The following CNTNAP2 variants were observed in gnomAD, a reference collection of about 807,000 sequenced individuals.
CNTNAP2 encodes contactin associated protein 2.
A neutral mutation model predicts 155.2 loss-of-function variants in CNTNAP2; 98 were observed. The observed-to-expected ratio is 0.63, with a 90% confidence interval of 0.54 to 0.75. The LOEUF (loss-of-function observed/expected upper bound fraction) is 0.75. Among genes scored for constraint, CNTNAP2 ranks in the 30% least tolerant of loss-of-function variants. The pLI is 0.00. For synonymous variants in CNTNAP2, 651 were observed against 631.2 expected (o/e 1.03, Z -0.47); for missense variants, 1,727 against 1,688.1 (o/e 1.02, Z -0.40).
chr7:148,084,676 C>T (rs1265088899), intron 15 of CNTNAP2, among the ~76,000 whole-genome samples: 1 of 151,994 alleles, frequency 6.6e-6, no homozygotes, highest in Non-Finnish European at 1.5e-5. Context: ...ACTGCAATAA[C>T]AATTTAATAA....
At chr7:147,442,648 C>G (rs1389904952) in intron 10 of CNTNAP2, among the ~76,000 whole-genome samples, 2 of 152,122 alleles carry the variant, frequency 1.3e-5, no homozygotes, top group African/African-American at 4.8e-5. Context: ...GAATCTCACC[C>G]AAGGCCCTCA....
intron 1 of CNTNAP2, among the ~76,000 whole-genome samples, chr7:146,296,407 A>G (rs933872104): frequency 6.6e-6 from 1 of 152,112 alleles, no homozygotes; most frequent in Non-Finnish European, 1.5e-5. Context: ...CCCTGCAATG[A>G]AACCCCTTTC....
intron 10 of CNTNAP2, among the ~76,000 whole-genome samples, chr7:147,480,944 G>A (rs1798411843): frequency 6.6e-6 from 1 of 152,110 alleles, no homozygotes; most frequent in Admixed American, 6.5e-5. Flanking sequence ...TGCACACAAA[G>A]GTTTGAGAAA....
chr7:146,179,228 G>A (rs1226122513), intron 1 of CNTNAP2, among the ~76,000 whole-genome samples: 1 of 152,116 alleles, frequency 6.6e-6, no homozygotes, highest in Non-Finnish European at 1.5e-5. Flanking sequence ...TGAAAGTGTT[G>A]CAGATGGGAA....
intron 1 of CNTNAP2, among the ~76,000 whole-genome samples, chr7:146,234,814 C>G (rs1045460467): frequency 2.0e-5 from 3 of 152,160 alleles, no homozygotes; most frequent in African/African-American, 7.2e-5. Context: ...GGAAACTTTA[C>G]CAGGTAGCAC....
At chr7:146,356,898 G>C (rs901366161) in intron 1 of CNTNAP2, among the ~76,000 whole-genome samples, 1 of 152,078 alleles carries the variant, frequency 6.6e-6, no homozygotes, top group Non-Finnish European at 1.5e-5. Flanking sequence ...CACTGTAAAT[G>C]ACTTTTCTCC....
intron 13 of CNTNAP2, among the ~76,000 whole-genome samples, chr7:147,772,847 C>T (rs138797281): frequency 1.4e-3 from 210 of 152,244 alleles, no homozygotes; most frequent in Non-Finnish European, 2.0e-3. Context: ...CAACGGTTCT[C>T]ACACAAAATA....
At chr7:146,801,143 A>G (rs1320622644) in intron 2 of CNTNAP2, among the ~76,000 whole-genome samples, 2 of 152,168 alleles carry the variant, frequency 1.3e-5, no homozygotes, top group Non-Finnish European at 2.9e-5. Context: ...TGGAGGATGA[A>G]GGGGTGCAGG....
Position 146,306,581 on chromosome 7 carries a change from G to A in CNTNAP2, c.97+189608G>A, listed in dbSNP as rs527302649. Among the ~76,000 whole-genome samples the A allele has an allele frequency of 4.9e-4, 74 of 152,230 alleles. 1 individual carries two copies. The highest frequency in any genetic ancestry group is 1.7e-3 in the African/African-American group (70 of 41,536). On this transcript the variant is annotated intron_variant, in intron 1 of 23. Transcript: ENST00000361727. ...GTTGGCTTCATCCCTAGGATGCAAGGCTGGTTCAACATACACAAATCAATA... is the reference window on the plus strand; with the variant it reads ...GTTGGCTTCATCCCTAGGATGCAAGACTGGTTCAACATACACAAATCAATA...
intron 13 of CNTNAP2, among the ~76,000 whole-genome samples, chr7:147,644,028 G>A (rs773722367): frequency 3.3e-5 from 5 of 152,100 alleles, no homozygotes; most frequent in Non-Finnish European, 7.4e-5. Flanking sequence ...TTATGGTCAT[G>A]TCCATTCTCG....
chr7:147,571,840 G>A (rs1179420567), intron 12 of CNTNAP2, among the ~76,000 whole-genome samples: 3 of 151,914 alleles, frequency 2.0e-5, no homozygotes, highest in Non-Finnish European at 4.4e-5. Flanking sequence ...TCTCATCAAA[G>A]CCATTTTCTC....
At chr7:146,930,131 T>A (rs1007108192) in intron 3 of CNTNAP2, among the ~76,000 whole-genome samples, 32 of 151,848 alleles carry the variant, frequency 2.1e-4, no homozygotes, top group Non-Finnish European at 3.7e-4. Flanking sequence ...CCAAGACACA[T>A]AATTGTCAAT....
At chr7:147,738,610 C>T (rs1318538611) in intron 13 of CNTNAP2, among the ~76,000 whole-genome samples, 1 of 149,810 alleles carries the variant, frequency 6.7e-6, no homozygotes, top group African/African-American at 2.5e-5. Context: ...GGTCATAATG[C>T]TTTTGCACAC....
At chr7:146,892,588 A>C (rs112451692) in intron 3 of CNTNAP2, among the ~76,000 whole-genome samples, 2 of 152,222 alleles carry the variant, frequency 1.3e-5, no homozygotes, top group Non-Finnish European at 2.9e-5. Flanking sequence ...GCCAACATGC[A>C]TCAAATTTCT....
At chr7:147,020,239 G>T (rs1211011289) in intron 3 of CNTNAP2, among the ~76,000 whole-genome samples, 1 of 152,020 alleles carries the variant, frequency 6.6e-6, no homozygotes, top group Non-Finnish European at 1.5e-5. Flanking sequence ...ATTTATATAA[G>T]CTGTTTAAAA....
chr7:146,730,295 T>G (rs1801502951), intron 1 of CNTNAP2, among the ~76,000 whole-genome samples: 1 of 152,218 alleles, frequency 6.6e-6, no homozygotes, highest in African/African-American at 2.4e-5. Context: ...ATTTTGACAT[T>G]TAATATCACA....
intron 10 of CNTNAP2, among the ~76,000 whole-genome samples, chr7:147,483,285 G>A (rs1339866345): frequency 6.6e-6 from 1 of 152,024 alleles, no homozygotes; most frequent in Non-Finnish European, 1.5e-5. Context: ...GTGGGAGGCT[G>A]TGCATAGGTT....
At chr7:147,779,810 C>A (rs755671293) in intron 13 of CNTNAP2, among the ~76,000 whole-genome samples, 3 of 152,174 alleles carry the variant, frequency 2.0e-5, no homozygotes, top group Non-Finnish European at 4.4e-5. Context: ...AGAAGTCTAC[C>A]TTTTCAACTA....
intron 1 of CNTNAP2, among the ~76,000 whole-genome samples, chr7:146,616,237 A>C (rs921344588): frequency 6.6e-6 from 1 of 152,200 alleles, no homozygotes; most frequent in Non-Finnish European, 1.5e-5. Flanking sequence ...ATGTGAGCAA[A>C]GCAAAGGATC....
Sources: gnomAD v4.1 joint callset for allele counts (sites outside exome capture counted in the v4.1 genomes callset) on GRCh38, gnomAD v4.1.1 for gene constraint, MANE v1.5 for transcripts, NCBI Gene and HGNC (gene_info 2026-07-23, HGNC 2026-07-21) for gene names.